NRIP1: variants seen among roughly 807,000 people sequenced by gnomAD.
The protein encoded by NRIP1 is nuclear receptor interacting protein 1.
In NRIP1, 28 loss-of-function variants were observed where a neutral mutation model predicts 75.0. That is an observed-to-expected ratio of 0.37 (90% CI 0.28 to 0.51). The LOEUF is 0.51. Ranked by LOEUF, NRIP1 falls within the 20% of genes least tolerant of loss-of-function variation. The pLI is 0.92. For synonymous variants in NRIP1, 526 were observed against 487.6 expected (o/e 1.08, Z -1.04); for missense variants, 1,435 against 1,343.7 (o/e 1.07, Z -1.06).
Position 14,964,034 on chromosome 21 carries a change from GATCT to G in NRIP1, c.*678_*681del, listed in dbSNP as rs1056925983. The G allele has an allele frequency of 1.1e-4, 17 of 152,184 alleles. No homozygotes were observed. The highest frequency in any genetic ancestry group is 2.1e-4 in the Non-Finnish European group (14 of 67,948). The allele number at this position is 152,184 out of a possible 1,614,324, so 9.4% of individuals were successfully genotyped here. A position where few individuals can be genotyped will look rare whatever the true frequency, so the allele number is the denominator to read the frequency against. On this transcript the variant is annotated 3_prime_UTR_variant, in exon 4 of 4. Transcript: ENST00000318948. ...ATGGAAATCTGCCTTTTTTTTAAAG[GATCT>G]ATCAAACTTCCCTCAATTGTAATCA...
At chr21:15,033,450 A>G (rs1600903138) in intron 2 of NRIP1, among the ~76,000 whole-genome samples, 1 of 152,296 alleles carries the variant, frequency 6.6e-6, no homozygotes, top group East Asian at 1.9e-4. Flanking sequence ...GGTCTTGTTC[A>G]AAACCACCAC....
chr21:14,968,005 C>T lies in NRIP1; in HGVS notation c.188G>A (p.Ser63Asn), dbSNP rs751437580. The change falls in exon 4 of 4, where the codon AGT (serine) becomes AAT (asparagine). Residue 63 changes from serine to asparagine, a missense_variant. Ser to Asn is a conservative substitution (Grantham distance 46). Transcript: ENST00000318948. ...ATGTGTATTGAGAACTGGACCATTA[C>T]TTTGACAGGTGGGAAATGCACTGCC... ...ISGSAFPTCQ[S>N]NGPVLNTHTY... The T allele has an allele frequency of 3.5e-5, 56 of 1,613,918 alleles. No homozygotes were observed. The highest frequency in any genetic ancestry group is 4.7e-5 in the Non-Finnish European group (55 of 1,180,008).
rs76924223 is a variant in NRIP1, at chr21:15,063,555, T to G, written c.-538+1190A>C. 2.6e-3 allele frequency among the ~76,000 whole-genome samples: 392 copies of G among 152,276 alleles called. 11 individuals carry two copies. Among genetic ancestry groups the G allele is most frequent in the East Asian group, 0.013 (70 of 5,188 alleles). On this transcript the variant is annotated intron_variant, in intron 1 of 3. Coordinates refer to ENST00000318948, the MANE Select transcript of NRIP1 (RefSeq NM_003489.4). ...TTACCGAAGCCCCTTGCTTCACAAA[T>G]TCCCCCAAGAAACAGAAAGAGCATT...
chr21:15,008,234 G>A (rs1273585388), intron 3 of NRIP1, among the ~76,000 whole-genome samples: 4 of 152,122 alleles, frequency 2.6e-5, no homozygotes, highest in Non-Finnish European at 5.9e-5. Flanking sequence ...GAAAAGGACC[G>A]CCAGCATCAG....
At chr21:14,981,811 ATATAC>A (rs1013290385) in intron 3 of NRIP1, among the ~76,000 whole-genome samples, 2 of 150,964 alleles carry the variant, frequency 1.3e-5, no homozygotes, top group Admixed American at 1.3e-4. Context: ...AATAGTACAT[ATATAC>A]TATATTGATC....
At chr21:14,994,785 T>C (rs1347660389) in intron 3 of NRIP1, among the ~76,000 whole-genome samples, 1 of 152,144 alleles carries the variant, frequency 6.6e-6, no homozygotes, top group Non-Finnish European at 1.5e-5. Context: ...GCAGTAACTT[T>C]TCTGAGATTC....
chr21:14,999,858 A>G (rs2087812515), intron 3 of NRIP1, among the ~76,000 whole-genome samples: 1 of 152,208 alleles, frequency 6.6e-6, no homozygotes, highest in South Asian at 2.1e-4. Flanking sequence ...TAACATGTCA[A>G]ATGTTTGTTT....
rs2086589493 is a variant in NRIP1, at chr21:14,961,474, A to T, written c.*3242T>A. The T allele has an allele frequency of 6.6e-6, 1 of 152,432 alleles. No homozygotes were observed. Among genetic ancestry groups the T allele is most frequent in the Admixed American group, 6.6e-5 (1 of 15,250 alleles). The allele number at this position is 152,432 out of a possible 1,614,324, so 9.4% of individuals were successfully genotyped here. A position where few individuals can be genotyped will look rare whatever the true frequency, so the allele number is the denominator to read the frequency against. On this transcript the variant is annotated 3_prime_UTR_variant, in exon 4 of 4. Transcript: ENST00000318948. ...ATGTGCCTATATTCCAGTATTGCTA[A>T]TACTGGGATACTCTTGGAATAATGT...
chr21:15,005,383 G>T (rs1379559271), intron 3 of NRIP1, among the ~76,000 whole-genome samples: 1 of 152,098 alleles, frequency 6.6e-6, no homozygotes, highest in Non-Finnish European at 1.5e-5. Flanking sequence ...AGAAAAAGGG[G>T]GGTAAAAAAG....
chr21:15,045,706 T>C (rs1241770191), intron 1 of NRIP1, among the ~76,000 whole-genome samples: 1 of 152,230 alleles, frequency 6.6e-6, no homozygotes, highest in Non-Finnish European at 1.5e-5. Context: ...TTTGATAGCA[T>C]TTTACCCACA....
At chr21:15,054,272 C>T (rs902140359) in intron 1 of NRIP1, among the ~76,000 whole-genome samples, 2 of 152,166 alleles carry the variant, frequency 1.3e-5, no homozygotes, top group African/African-American at 4.8e-5. Context: ...GCCGTCAAAT[C>T]CAAGGCAGTT....
At chr21:14,988,421 TTAGATAGATAGA>T (rs3075987) in intron 3 of NRIP1, among the ~76,000 whole-genome samples, 8 of 145,826 alleles carry the variant, frequency 5.5e-5, no homozygotes, top group African/African-American at 1.8e-4. Context: ...TCTTTTGTCT[TTAGATAGATAGA>T]TAGATAGATA....
At chr21:15,044,550 T>C (rs1250600930) in intron 1 of NRIP1, among the ~76,000 whole-genome samples, 1 of 152,030 alleles carries the variant, frequency 6.6e-6, no homozygotes, top group Non-Finnish European at 1.5e-5. Context: ...TCCATTTCTA[T>C]CAGCCACGCC....
intron 2 of NRIP1, among the ~76,000 whole-genome samples, chr21:15,033,344 A>T (rs2088756245): frequency 6.6e-6 from 1 of 152,130 alleles, no homozygotes; most frequent in Non-Finnish European, 1.5e-5. Flanking sequence ...TCCATTTTAC[A>T]GATGAGAACA....
intron 2 of NRIP1, among the ~76,000 whole-genome samples, chr21:15,030,068 G>A (rs866757197): frequency 6.6e-6 from 1 of 152,192 alleles, no homozygotes; most frequent in African/African-American, 2.4e-5. Context: ...GTAAGAGGCA[G>A]GGCTTAGGCA....
intron 3 of NRIP1, among the ~76,000 whole-genome samples, chr21:14,975,003 T>C (rs1600816990): frequency 6.6e-6 from 1 of 151,950 alleles, no homozygotes; most frequent in Admixed American, 6.6e-5. Flanking sequence ...TTTCAGCTAC[T>C]TGGGAGGCTG....
At chr21:14,998,827 A>C (rs1385949479) in intron 3 of NRIP1, among the ~76,000 whole-genome samples, 1 of 152,190 alleles carries the variant, frequency 6.6e-6, no homozygotes, top group East Asian at 1.9e-4. Context: ...ATACATGTCA[A>C]TCAACTGTTT....
In NRIP1 at chr21:14,967,710, T is replaced by A. The variant is rs147956395; in HGVS notation, c.483A>T (p.Gly161=). The A allele has an allele frequency of 1.1e-5, 18 of 1,614,028 alleles. No homozygotes were observed. The African/African-American group carries it at 2.3e-4, about 20-fold the overall frequency. ...QQIRQSLKEQ[G]YALSHDSLKV... The stretch of plus-strand genomic sequence containing the variant: ...TTAAAGAATCATGACTGAGGGCATA[T>A]CCTTGCTCCTTGAGGCTCTGCCTGA... The change falls in exon 4 of 4, where the codon GGA becomes GGT. Residue 161 remains glycine, a synonymous_variant. Coordinates refer to ENST00000318948, the MANE Select transcript of NRIP1 (RefSeq NM_003489.4).
upstream of NRIP1, chr21:15,065,803 C>G (rs1034651640): frequency 5.2e-5 from 8 of 152,440 alleles, no homozygotes; most frequent in Non-Finnish European, 7.3e-5. Flanking sequence ...TTTGTCACTG[C>G]GAAGTCTCCA....
Sources: allele counts gnomAD v4.1 joint callset (sites outside exome capture counted in the v4.1 genomes callset), GRCh38; gene constraint gnomAD v4.1.1; transcripts MANE v1.5; gene names NCBI Gene and HGNC (gene_info 2026-07-23, HGNC 2026-07-21).